The following STIM2 variants were observed in gnomAD, a reference collection of about 807,000 sequenced individuals.
The protein encoded by STIM2 is stromal interaction molecule 2.
STIM2 carries 31 observed loss-of-function variants against 85.8 expected under a neutral mutation model. That is an observed-to-expected ratio of 0.36 (90% CI 0.27 to 0.49). The LOEUF (loss-of-function observed/expected upper bound fraction) is 0.49, where lower values mean the gene tolerates loss of function less well. Ranked by LOEUF, STIM2 falls within the 20% of genes least tolerant of loss-of-function variation. The probability of loss-of-function intolerance (pLI) is 0.98; values close to 1 mark genes in which losing one functional copy is unlikely to be tolerated. For synonymous variants in STIM2, 356 were observed against 331.1 expected, an observed-to-expected ratio of 1.08 and a Z score of -0.82; for missense variants, 841 against 927.6, an observed-to-expected ratio of 0.91 and a Z score of 1.21.
intron 10 of STIM2, among the ~76,000 whole-genome samples, chr4:27,013,805 C>G (rs1728642171): frequency 6.6e-6 from 1 of 151,938 alleles, no homozygotes; most frequent in South Asian, 2.1e-4. Context: ...TATTCTGTAC[C>G]TTGAAATAGT....
intron 1 of STIM2, among the ~76,000 whole-genome samples, chr4:26,900,293 A>G (rs1364508389): frequency 6.6e-6 from 1 of 152,158 alleles, no homozygotes; most frequent in Non-Finnish European, 1.5e-5. Context: ...TAGGTAATTG[A>G]GAGAAGCTTT....
intron 3 of STIM2, among the ~76,000 whole-genome samples, chr4:26,974,036 A>T (rs887457278): frequency 1.3e-5 from 2 of 152,168 alleles, no homozygotes; most frequent in Admixed American, 1.3e-4. Context: ...AGTCTGTTTT[A>T]TCAGAGACTA....
At chr4:26,871,552 C>T (rs890196183) in intron 1 of STIM2, among the ~76,000 whole-genome samples, 4 of 152,064 alleles carry the variant, frequency 2.6e-5, no homozygotes, top group African/African-American at 7.2e-5. Flanking sequence ...AACTTTGACT[C>T]GATTTGTTCA....
chr4:26,894,537 C>G (rs1050646025), intron 1 of STIM2, among the ~76,000 whole-genome samples: 2 of 150,542 alleles, frequency 1.3e-5, no homozygotes, highest in Non-Finnish European at 3.0e-5. Context: ...ATTGCAGCAC[C>G]ATTTTTTTTT....
chr4:26,887,183 CTTTTTTTTT>C (rs34736602), intron 1 of STIM2, among the ~76,000 whole-genome samples: 11 of 70,948 alleles, frequency 1.6e-4, no homozygotes, highest in Middle Eastern at 0.015. Flanking sequence ...AATAATTAAA[CTTTTTTTTT>C]TTTTTTTTTT....
At chr4:27,001,155 A>C (rs996230776) in intron 5 of STIM2, among the ~76,000 whole-genome samples, 2 of 152,220 alleles carry the variant, frequency 1.3e-5, no homozygotes, top group African/African-American at 4.8e-5. Context: ...CTTTTATGTC[A>C]CCAAACTTCA....
At chr4:26,981,969 CTT>C (rs143405031) in intron 3 of STIM2, among the ~76,000 whole-genome samples, 5 of 147,594 alleles carry the variant, frequency 3.4e-5, no homozygotes, top group African/African-American at 5.0e-5. Context: ...ATGTGTAATT[CTT>C]TTTTTTTTTT....
chr4:27,021,009 T>C, intron 11 of STIM2: 2 of 1,537,004 alleles, frequency 1.3e-6, no homozygotes, highest in Non-Finnish European at 1.7e-6. Context: ...AGTATTCACC[T>C]TGGGCTCGGT....
chr4:26,955,415 C>A (rs1726209482), intron 2 of STIM2, among the ~76,000 whole-genome samples: 1 of 147,932 alleles, frequency 6.8e-6, no homozygotes, highest in South Asian at 2.1e-4. Flanking sequence ...CTGATTGGAC[C>A]ATTTCCAAGG....
At chr4:26,873,637 T>C (rs1722709869) in intron 1 of STIM2, 1 of 601,434 alleles carries the variant, frequency 1.7e-6, no homozygotes, top group African/African-American at 1.8e-5. Context: ...GGCACTTCCT[T>C]AGTCATAAAT....
chr4:26,995,401 C>T lies in STIM2; in HGVS notation c.420C>T (p.Asp140=). ...CAGTTCATAATTGGACCCTTGAAGACACTCTTCAGTGGTTGATAGAGTTTG... is the reference window on the plus strand; with the variant it reads ...CAGTTCATAATTGGACCCTTGAAGATACTCTTCAGTGGTTGATAGAGTTTG... Residue 140 remains aspartate, a synonymous_variant, in exon 4 of 12, where the codon GAC becomes GAT. Coordinates refer to ENST00000467087, the MANE Select transcript of STIM2 (RefSeq NM_020860.4). The T allele has an allele frequency of 6.3e-7, 1 of 1,587,948 alleles. No individual in the cohort carries two copies. Among genetic ancestry groups the T allele is most frequent in the Non-Finnish European group, 8.6e-7 (1 of 1,168,144 alleles).
At chr4:26,906,678 C>T (rs1269626066) in intron 1 of STIM2, among the ~76,000 whole-genome samples, 4 of 151,740 alleles carry the variant, frequency 2.6e-5, no homozygotes, top group African/African-American at 9.7e-5. Flanking sequence ...CATGTGATAC[C>T]TCATTTGGAC....
At chr4:26,871,306 GT>G (rs919887838) in intron 1 of STIM2, among the ~76,000 whole-genome samples, 2 of 152,162 alleles carry the variant, frequency 1.3e-5, no homozygotes, top group African/African-American at 4.8e-5. Flanking sequence ...GGATCTTTAT[GT>G]TAAAGCATAA....
intron 7 of STIM2, 36 bp downstream of exon 7, chr4:27,003,140 G>A (rs770971491): frequency 3.1e-5 from 48 of 1,536,124 alleles, no homozygotes; most frequent in Non-Finnish European, 4.0e-5. Context: ...TTGTAAAGAT[G>A]TTAACATTGC....
chr4:26,919,240 G>A (rs1724707587), intron 1 of STIM2, among the ~76,000 whole-genome samples: 2 of 151,898 alleles, frequency 1.3e-5, no homozygotes, highest in African/African-American at 4.8e-5. Flanking sequence ...AAGATGTAGA[G>A]ATTTTAGATA....
intron 3 of STIM2, among the ~76,000 whole-genome samples, chr4:26,990,075 T>A (rs1213782061): frequency 1.3e-5 from 2 of 151,992 alleles, no homozygotes; most frequent in African/African-American, 4.8e-5. Context: ...AAATACCAAT[T>A]ATATCCTTCA....
In STIM2 at chr4:26,977,962, A is replaced by G. The variant is rs533194095; in HGVS notation, c.398-17417A>G. Among the ~76,000 whole-genome samples, 6 of 152,318 alleles carry G rather than the reference A, an allele frequency of 3.9e-5. No individual in the cohort carries two copies. The South Asian group carries it at 1.0e-3, about 26-fold the overall frequency. ...GAAGAAAGCATTTTAAGAAAAAGCA[A>G]TGTCACATGTTCCAGAAATCTGAAT... On this transcript the variant is annotated intron_variant, in intron 3 of 11. Coordinates refer to ENST00000467087, the MANE Select transcript of STIM2 (RefSeq NM_020860.4).
rs1377912923 is a variant in STIM2, at chr4:26,899,483, ATTC to A, written c.152-20015_152-20013del. Among the ~76,000 whole-genome samples the A allele has an allele frequency of 3.3e-5, 5 of 152,266 alleles. 1 individual carries two copies. The highest frequency in any genetic ancestry group is 2.1e-4 in the South Asian group (1 of 4,830). ...ATCTCTGGAAGAGTTTGAGAGTGGA[ATTC>A]TTCTTTCCTTGATTTTTGTTAGAAC... On this transcript the variant is annotated intron_variant, in intron 1 of 11. Transcript: ENST00000467087.
chr4:26,880,039 A>T (rs1446420961), intron 1 of STIM2, among the ~76,000 whole-genome samples: 2 of 152,094 alleles, frequency 1.3e-5, no homozygotes, highest in Non-Finnish European at 2.9e-5. Flanking sequence ...ACATAAGATA[A>T]TTTTCTCCCC....
Sources: allele counts gnomAD v4.1 joint callset (sites outside exome capture counted in the v4.1 genomes callset), GRCh38; gene constraint gnomAD v4.1.1; transcripts MANE v1.5; gene names NCBI Gene and HGNC (gene_info 2026-07-23, HGNC 2026-07-21).